The following MS4A2 variants were observed in gnomAD, a reference collection of about 807,000 sequenced individuals.
The protein encoded by MS4A2 is high affinity immunoglobulin epsilon receptor subunit beta.
Under a neutral mutation model 27.9 loss-of-function variants are expected in MS4A2, and 26 were observed. The ratio of observed to expected loss-of-function variants is 0.93; its 90% CI spans 0.68 to 1.29. The LOEUF is 1.29. Among genes scored for constraint, MS4A2 ranks in the 50% most tolerant of loss-of-function variants. The probability of loss-of-function intolerance (pLI) is 0.00; values close to 1 mark genes in which losing one functional copy is unlikely to be tolerated. For missense variants in MS4A2, 284 were observed against 284.6 expected (o/e 1.00, Z 0.01); for synonymous variants, 110 against 98.8 (o/e 1.11, Z -0.67).
At chr11:60,089,076 C>G (rs1363668539) in intron 1 of MS4A2, among the ~76,000 whole-genome samples, 1 of 152,146 alleles carries the variant, frequency 6.6e-6, no homozygotes, top group Non-Finnish European at 1.5e-5. Context: ...GGGTATGAGA[C>G]AGGAGAGTTC....
chr11:60,090,863 C>T (rs1855746551), intron 3 of MS4A2, among the ~76,000 whole-genome samples: 1 of 152,118 alleles, frequency 6.6e-6, no homozygotes, highest in South Asian at 2.1e-4. Flanking sequence ...CTAAAAATAA[C>T]AACAAAGGCT....
chr11:60,089,925 G>C (rs1371802970), intron 2 of MS4A2, 104 bp downstream of exon 2: 10 of 1,455,260 alleles, frequency 6.9e-6, no homozygotes, highest in Non-Finnish European at 9.3e-6. Flanking sequence ...AGAGGTGTTA[G>C]GTCCTTTAAA....
chr11:60,094,525 G>A (rs112687061), intron 6 of MS4A2, among the ~76,000 whole-genome samples: 1 of 151,870 alleles, frequency 6.6e-6, no homozygotes, highest in Non-Finnish European at 1.5e-5. Flanking sequence ...TGCCTCACCC[G>A]TCCATTACAC....
intron 3 of MS4A2, among the ~76,000 whole-genome samples, chr11:60,092,296 C>CTT (rs3038646): frequency 0.082 from 11,527 of 139,844 alleles, 1,031 homozygotes; most frequent in African/African-American, 0.22. Flanking sequence ...TTCATATACA[C>CTT]TTTTTTTTTT....
At chr11:60,090,315 A>G in intron 2 of MS4A2, 21 bp from the exon 3 acceptor site, 1 of 1,610,698 alleles carries the variant, frequency 6.2e-7, no homozygotes, top group South Asian at 1.1e-5. Context: ...ATTTTCATGA[A>G]ATTCATGTGT....
chr11:60,091,327 T>C (rs1855754825), intron 3 of MS4A2, among the ~76,000 whole-genome samples: 1 of 152,136 alleles, frequency 6.6e-6, no homozygotes. Context: ...TCTGGAAAAA[T>C]AGGTGGATGA....
In MS4A2 at chr11:60,088,781, A is replaced by C; in HGVS notation, c.16A>C (p.Asn6His). The C allele has an allele frequency of 1.2e-6, 2 of 1,612,324 alleles. No individual in the cohort carries two copies. Among genetic ancestry groups the C allele is most frequent in the Non-Finnish European group, 1.7e-6 (2 of 1,178,970 alleles). Residue 6 changes from asparagine to histidine, a missense_variant, in exon 1 of 7, where the codon AAT becomes CAT. Physicochemically the swap from Asn to His is moderately conservative, Grantham distance 68 (BLOSUM62 1). Coordinates refer to ENST00000278888, the MANE Select transcript of MS4A2 (RefSeq NM_000139.5). ...TAATGAAAAAATGGACACAGAAAGTAATAGGAGAGCAAATCTTGCTCTCCC... is the reference window on the plus strand; with the variant it reads ...TAATGAAAAAATGGACACAGAAAGTCATAGGAGAGCAAATCTTGCTCTCCC... MDTES[N>H]RRANLALPQE...
chr11:60,088,952 T>A lies in MS4A2; in HGVS notation c.56+131T>A. The A allele has an allele frequency of 3.2e-6, 3 of 938,712 alleles. No homozygotes were observed. The South Asian group carries it at 4.4e-5, about 14-fold the overall frequency. 58.1% of individuals were successfully genotyped at this position (938,712 alleles called of 1,614,324 possible). A position where few individuals can be genotyped will look rare whatever the true frequency, so the allele number is the denominator to read the frequency against. On this transcript the variant is annotated intron_variant, in intron 1 of 6. Coordinates refer to ENST00000278888, the MANE Select transcript of MS4A2 (RefSeq NM_000139.5). ...CATCTAGTTTAATTAATATATTGGG[T>A]ATGAGGAAGCTACTTGCTGTACTTT...
chr11:60,088,383 T>C (rs1257396004), upstream of MS4A2: 1 of 220,448 alleles, frequency 4.5e-6, no homozygotes, highest in Non-Finnish European at 9.0e-6. Flanking sequence ...GTGGGGACAA[T>C]TCCAGAAGAA....
At position 60,088,689 on chromosome 11, in the gene MS4A2, GCAT is replaced by G. The variant is rs1490294345; in HGVS notation, c.-76_-74del. ...AACCCATTTCAACTGCCTATTCAGA[GCAT>G]GCAGTAAGAGGAAATCCACCAAGTC... On this transcript the variant is annotated 5_prime_UTR_variant, in exon 1 of 7. It removes an upstream start codon present in the reference 5' UTR. Transcript: ENST00000278888. 1 of 1,561,980 alleles carries G rather than the reference GCAT, an allele frequency of 6.4e-7. No individual in the cohort carries two copies. Among genetic ancestry groups the G allele is most frequent in the Non-Finnish European group, 8.7e-7 (1 of 1,151,102 alleles).
chr11:60,097,275 TAGAG>T lies in MS4A2; in HGVS notation c.*1621_*1624del, dbSNP rs1025939750. The T allele has an allele frequency of 4.6e-5, 7 of 152,074 alleles. No individual in the cohort carries two copies. The highest frequency in any genetic ancestry group is 1.7e-4 in the African/African-American group (7 of 41,406). The allele number at this position is 152,074 out of a possible 1,614,324, so 9.4% of individuals were successfully genotyped here. ...ACTGTAGAGAGCAGGTAGCCCAAAA[TAGAG>T]AAAGATTAGATAAAGAGAAAATAAG... is the stretch of plus-strand genomic sequence containing the variant. On this transcript the variant is annotated 3_prime_UTR_variant, in exon 7 of 7. Coordinates refer to ENST00000278888, the MANE Select transcript of MS4A2 (RefSeq NM_000139.5).
chr11:60,088,787 A>T lies in MS4A2; in HGVS notation c.22A>T (p.Arg8Ter). Reference sequence around the variant, plus strand: ...AAAAATGGACACAGAAAGTAATAGGAGAGCAAATCTTGCTCTCCCACAGGA... The same window carrying T: ...AAAAATGGACACAGAAAGTAATAGGTGAGCAAATCTTGCTCTCCCACAGGA... MDTESNR[R>*]ANLALPQEPS... is the part of the protein sequence containing the mutation. Residue 8 changes from arginine (R) to a stop codon, truncating the protein, a stop_gained, in exon 1 of 7, where the codon AGA becomes TGA. Coordinates refer to ENST00000278888, the MANE Select transcript of MS4A2 (RefSeq NM_000139.5). LOFTEE classifies it high-confidence loss of function. 6.2e-7 allele frequency: 1 copy of T among 1,612,374 alleles called. No individual in the cohort carries two copies.
chr11:60,090,521 T>C (rs1292806947), intron 3 of MS4A2, 51 bp downstream of exon 3: 1 of 1,576,540 alleles, frequency 6.3e-7, no homozygotes, highest in Non-Finnish European at 8.7e-7. Flanking sequence ...CATAGGTTTT[T>C]CTCTTTCTCA....
At chr11:60,092,206 C>A (rs1308512489) in intron 3 of MS4A2, among the ~76,000 whole-genome samples, 1 of 152,086 alleles carries the variant, frequency 6.6e-6, no homozygotes, top group African/African-American at 2.4e-5. Context: ...CTCCTGGAAG[C>A]CTCATGTAAA....
upstream of MS4A2, chr11:60,088,386 CAGA>C (rs746333841): frequency 1.0e-4 from 22 of 216,028 alleles, no homozygotes; most frequent in Admixed American, 1.0e-3. Flanking sequence ...GGGACAATTC[CAGA>C]AGAAGGGCAC....
rs958795401 is a variant in MS4A2 at position 60,097,731 on chromosome 11, G to A, written c.*2075G>A. The A allele has an allele frequency of 3.3e-5, 5 of 152,190 alleles. No homozygotes were observed. Among genetic ancestry groups the A allele is most frequent in the African/African-American group, 1.2e-4 (5 of 41,460 alleles). 9.4% of individuals were successfully genotyped at this position (152,190 alleles called of 1,614,324 possible). A position where few individuals can be genotyped will look rare whatever the true frequency, so the allele number is the denominator to read the frequency against. ...AGGATGCCAAGATTAAAAGGTGACA[G>A]GTAGATGTTAATTTCCCTAGATTGT... On this transcript the variant is annotated 3_prime_UTR_variant, in exon 7 of 7. Coordinates refer to ENST00000278888, the MANE Select transcript of MS4A2 (RefSeq NM_000139.5).
chr11:60,092,334 C>T (rs1011821292), intron 3 of MS4A2, among the ~76,000 whole-genome samples: 2 of 148,594 alleles, frequency 1.3e-5, no homozygotes, highest in Non-Finnish European at 1.5e-5. Context: ...TCACTCTTGT[C>T]GCCCAGGCTG....
chr11:60,094,092 A>T, intron 6 of MS4A2, 30 bp downstream of exon 6: 1 of 1,462,032 alleles, frequency 6.8e-7, no homozygotes, highest in Non-Finnish European at 9.6e-7. Flanking sequence ...AAAATCTTGA[A>T]TGACAGGTTA....
rs1466379370 is a variant in MS4A2 at position 60,097,330 on chromosome 11, G to A, written c.*1674G>A. On this transcript the variant is annotated 3_prime_UTR_variant, in exon 7 of 7. Transcript: ENST00000278888. ...TATCCATCAGAGACAGTATCTCTAG[G>A]CTTGGGCAAGAGAAAAGTCCACAGT... is the stretch of plus-strand genomic sequence containing the variant. 1 of 152,226 alleles carries A rather than the reference G, an allele frequency of 6.6e-6. No homozygotes were observed. The highest frequency in any genetic ancestry group is 2.4e-5 in the African/African-American group (1 of 41,462). The allele number at this position is 152,226 out of a possible 1,614,324, so 9.4% of individuals were successfully genotyped here.
Sources: allele counts gnomAD v4.1 joint callset (sites outside exome capture counted in the v4.1 genomes callset), GRCh38; gene constraint gnomAD v4.1.1; transcripts MANE v1.5; gene names NCBI Gene and HGNC (gene_info 2026-07-23, HGNC 2026-07-21).